The following IL18RAP variants were observed in gnomAD, a reference collection of about 807,000 sequenced individuals.
The protein encoded by IL18RAP is interleukin 18 receptor accessory protein, also known as interleukin-18 receptor accessory protein.
IL18RAP carries 37 observed loss-of-function variants against 58.1 expected under a neutral mutation model. The ratio of observed to expected loss-of-function variants is 0.64; its 90% CI spans 0.49 to 0.84. IL18RAP has a LOEUF of 0.84. Ranked by LOEUF, IL18RAP falls within the 40% of genes least tolerant of loss-of-function variation. The probability of loss-of-function intolerance (pLI) is 0.00; values close to 1 mark genes in which losing one functional copy is unlikely to be tolerated. For synonymous variants in IL18RAP, 268 were observed against 257.5 expected, an observed-to-expected ratio of 1.04 and a Z score of -0.39; for missense variants, 667 against 704.8, an observed-to-expected ratio of 0.95 and a Z score of 0.61.
upstream of IL18RAP, chr2:102,423,058 C>T (rs1008851163): frequency 2.4e-5 from 14 of 579,412 alleles, no homozygotes; most frequent in Non-Finnish European, 3.1e-5. Flanking sequence ...GAAATACTCA[C>T]GTAAGTTATA....
chr2:102,445,257 A>C lies in IL18RAP; in HGVS notation c.989A>C (p.Asp330Ala). The C allele has an allele frequency of 6.2e-7, 1 of 1,614,142 alleles. No homozygotes were observed. Among genetic ancestry groups the C allele is most frequent in the Non-Finnish European group, 8.5e-7 (1 of 1,179,978 alleles). ...ATCTTGGAAAAAGTCACTCAGCGTGATCTTCGCAGGAAGTTTGTTTGCTTT... is the reference window on the plus strand; with the variant it reads ...ATCTTGGAAAAAGTCACTCAGCGTGCTCTTCGCAGGAAGTTTGTTTGCTTT... ...NIILEKVTQR[D>A]LRRKFVCFVQ... is the part of the protein sequence containing the mutation. The change falls in exon 7 of 10, where the codon GAT becomes GCT. Residue 330 changes from aspartate to alanine, a missense_variant. By Grantham distance (126) the Asp-to-Ala change is moderately radical. Coordinates refer to ENST00000687160, the MANE Select transcript of IL18RAP (RefSeq NM_001393487.1).
intron 3 of IL18RAP, chr2:102,435,280 G>C (rs1682661888): frequency 6.6e-6 from 1 of 152,206 alleles, no homozygotes; most frequent in African/African-American, 2.4e-5. Context: ...ATGAGTGTGA[G>C]TCCTGATCCA....
intron 3 of IL18RAP, among the ~76,000 whole-genome samples, chr2:102,430,252 A>G (rs1254234693): frequency 6.6e-6 from 1 of 152,042 alleles, no homozygotes; most frequent in African/African-American, 2.4e-5. Context: ...TTGGGTGCCT[A>G]TGTATCTACA....
intron 5 of IL18RAP, among the ~76,000 whole-genome samples, chr2:102,441,888 A>G (rs11465704): frequency 0.031 from 3,472 of 110,230 alleles, 157 homozygotes; most frequent in African/African-American, 0.11. Flanking sequence ...ATTCCATCTC[A>G]AAGAAAAAAA....
At position 102,424,396 on chromosome 2, in the gene IL18RAP, A is replaced by T. The variant is rs980257211; in HGVS notation, c.561A>T (p.Pro187=). Reference sequence around the variant, plus strand: ...GCTGCCAAAGTGATGCACAAAGTCCAGCGGTAACCTGGTACAAGGTAAGAG... The same window carrying T: ...GCTGCCAAAGTGATGCACAAAGTCCTGCGGTAACCTGGTACAAGGTAAGAG... ...SLSCQSDAQS[P]AVTWYKNGKL... is the part of the protein sequence containing the mutation. The change falls in exon 3 of 10, where the codon CCA becomes CCT. Residue 187 remains proline, a synonymous_variant. Coordinates refer to ENST00000687160, the MANE Select transcript of IL18RAP (RefSeq NM_001393487.1). 3.1e-5 allele frequency: 50 copies of T among 1,613,840 alleles called. No individual in the cohort carries two copies. Among genetic ancestry groups the T allele is most frequent in the Non-Finnish European group, 4.2e-5 (50 of 1,179,880 alleles).
At chr2:102,423,457 C>A in intron 1 of IL18RAP, 110 bp downstream of exon 1, 1 of 974,272 alleles carries the variant, frequency 1.0e-6, no homozygotes, top group Non-Finnish European at 1.6e-6. Flanking sequence ...CCTTTCCATC[C>A]TACTATTAAA....
chr2:102,431,776 T>A (rs1682379891), intron 3 of IL18RAP, among the ~76,000 whole-genome samples: 1 of 115,224 alleles, frequency 8.7e-6, no homozygotes, highest in Admixed American at 7.9e-5. Flanking sequence ...TATTTAAAAC[T>A]TTTTTTTCTA....
At chr2:102,436,648 C>T (rs1682759081) in intron 3 of IL18RAP, among the ~76,000 whole-genome samples, 1 of 151,662 alleles carries the variant, frequency 6.6e-6, no homozygotes, top group Non-Finnish European at 1.5e-5. Flanking sequence ...GGTTGATTCT[C>T]AGTGCTCTCA....
intron 3 of IL18RAP, among the ~76,000 whole-genome samples, chr2:102,436,624 C>A (rs979949687): frequency 6.6e-6 from 1 of 151,742 alleles, no homozygotes; most frequent in Non-Finnish European, 1.5e-5. Flanking sequence ...AAACTCAGAA[C>A]CAGAAAAAAA....
intron 3 of IL18RAP, among the ~76,000 whole-genome samples, chr2:102,427,515 T>C (rs1412609372): frequency 6.6e-6 from 1 of 152,168 alleles, no homozygotes; most frequent in Non-Finnish European, 1.5e-5. Flanking sequence ...TTGCATCCTT[T>C]CTTTTGAGAA....
At chr2:102,421,711 C>T (rs142303645), upstream of IL18RAP, among the ~76,000 whole-genome samples, 9 of 152,306 alleles carry the variant, frequency 5.9e-5, 2 homozygotes, top group South Asian at 8.3e-4. Context: ...TCCATGAACA[C>T]GCCTTGCTCT....
rs186562394 is a variant in IL18RAP at position 102,430,833 on chromosome 2, C to T, written c.580-6379C>T. 3.1e-4 allele frequency among the ~76,000 whole-genome samples: 47 copies of T among 152,198 alleles called. 1 individual carries two copies. The East Asian group carries it at 5.2e-3, about 17-fold the overall frequency. On this transcript the variant is annotated intron_variant, in intron 3 of 9. Transcript: ENST00000687160. ...AACAAGTACACTTTCATTTCCTCCCCGCTACCTTTTATGGGTTTGATGTCA... is the reference window on the plus strand; with the variant it reads ...AACAAGTACACTTTCATTTCCTCCCTGCTACCTTTTATGGGTTTGATGTCA...
intron 7 of IL18RAP, among the ~76,000 whole-genome samples, chr2:102,446,527 C>T (rs1683427549): frequency 6.6e-6 from 1 of 152,114 alleles, no homozygotes; most frequent in Non-Finnish European, 1.5e-5. Context: ...AGCTTAGCTC[C>T]CATTTATAAG....
intron 3 of IL18RAP, among the ~76,000 whole-genome samples, chr2:102,425,828 GC>G (rs1681902799): frequency 6.6e-6 from 1 of 152,062 alleles, no homozygotes; most frequent in South Asian, 2.1e-4. Context: ...ATAGTAGCCA[GC>G]TTTCTGCAAA....
At chr2:102,433,537 T>G (rs1054954433) in intron 3 of IL18RAP, among the ~76,000 whole-genome samples, 1 of 150,952 alleles carries the variant, frequency 6.6e-6, no homozygotes, top group Non-Finnish European at 1.5e-5. Flanking sequence ...AGAAGTTTGT[T>G]TGTTTTTTGA....
intron 4 of IL18RAP, chr2:102,440,532 G>C (rs932256064): frequency 6.6e-6 from 1 of 152,302 alleles, no homozygotes; most frequent in African/African-American, 2.4e-5. Context: ...AGGAGAATAA[G>C]TGAGGCTGGG....
chr2:102,427,262 T>G (rs1290945414), intron 3 of IL18RAP, among the ~76,000 whole-genome samples: 2 of 152,148 alleles, frequency 1.3e-5, no homozygotes, highest in African/African-American at 4.8e-5. Flanking sequence ...TCTTTGGATA[T>G]GTACCCAAAA....
intron 3 of IL18RAP, among the ~76,000 whole-genome samples, chr2:102,433,018 G>T (rs1682487944): frequency 6.6e-6 from 1 of 151,966 alleles, no homozygotes; most frequent in Non-Finnish European, 1.5e-5. Flanking sequence ...ATAATCAAGG[G>T]TAGTAGGAAA....
At chr2:102,429,058 C>T (rs1348319912) in intron 3 of IL18RAP, among the ~76,000 whole-genome samples, 1 of 151,806 alleles carries the variant, frequency 6.6e-6, no homozygotes, top group Non-Finnish European at 1.5e-5. Context: ...TCCCACTTGA[C>T]CATGGTGAAT....
Sources: gnomAD v4.1 joint callset for allele counts (sites outside exome capture counted in the v4.1 genomes callset) on GRCh38, gnomAD v4.1.1 for gene constraint, MANE v1.5 for transcripts, NCBI Gene and HGNC (gene_info 2026-07-23, HGNC 2026-07-21) for gene names.